The following LRRC8D variants were observed in gnomAD, a reference collection of about 807,000 sequenced individuals.
The protein encoded by LRRC8D is volume-regulated anion channel subunit LRRC8D.
A neutral mutation model predicts 55.8 loss-of-function variants in LRRC8D; 20 were observed. That is an observed-to-expected ratio of 0.36 (90% CI 0.25 to 0.52). The LOEUF (loss-of-function observed/expected upper bound fraction) is 0.52. LRRC8D is among the 20% of genes least tolerant of loss of function. The pLI, the probability that LRRC8D is intolerant of heterozygous loss-of-function variation, is 0.93. For missense variants in LRRC8D, 651 were observed against 1,030.8 expected (o/e 0.63, Z 5.05); for synonymous variants, 352 against 377.0 (o/e 0.93, Z 0.77).
At chr1:89,904,473 C>A (rs1364503250) in intron 2 of LRRC8D, among the ~76,000 whole-genome samples, 1 of 152,206 alleles carries the variant, frequency 6.6e-6, no homozygotes, top group Non-Finnish European at 1.5e-5. Flanking sequence ...TGAGTTCATT[C>A]ACTTTTCTTC....
chr1:89,855,782 T>G (rs886414422), intron 2 of LRRC8D, among the ~76,000 whole-genome samples: 3 of 152,208 alleles, frequency 2.0e-5, no homozygotes, highest in Non-Finnish European at 4.4e-5. Context: ...AGTTAAAACA[T>G]TGTTCATAAA....
At chr1:89,863,379 A>T (rs928203271) in intron 2 of LRRC8D, among the ~76,000 whole-genome samples, 11 of 152,154 alleles carry the variant, frequency 7.2e-5, no homozygotes, top group Non-Finnish European at 1.3e-4. Context: ...GCAGTACACA[A>T]GTGGGTAATG....
At position 89,884,153 on chromosome 1, in the gene LRRC8D, C is replaced by G. The variant is rs148694313; in HGVS notation, c.-3+40371C>G. 1.3e-3 allele frequency among the ~76,000 whole-genome samples: 205 copies of G among 152,268 alleles called. 1 individual carries two copies. Among genetic ancestry groups the G allele is most frequent in the African/African-American group, 4.7e-3 (195 of 41,552 alleles). The stretch of plus-strand genomic sequence containing the variant: ...GCATCTAGTCATGCTACAGCCTGCA[C>G]CTAAAATTGCAGATGGGCCTTTCTG... On this transcript the variant is annotated intron_variant, in intron 2 of 2. Transcript: ENST00000337338.
At chr1:89,899,300 G>A (rs1662790230) in intron 2 of LRRC8D, among the ~76,000 whole-genome samples, 1 of 152,214 alleles carries the variant, frequency 6.6e-6, no homozygotes, top group East Asian at 1.9e-4. Flanking sequence ...GAGGGTCAAA[G>A]TTACAAACCA....
chr1:89,881,322 G>A (rs1265200607), intron 2 of LRRC8D, among the ~76,000 whole-genome samples: 1 of 152,190 alleles, frequency 6.6e-6, no homozygotes, highest in East Asian at 1.9e-4. Context: ...TTCCAGCTGA[G>A]GGTGGGGAGG....
rs377147367 is a variant in LRRC8D at position 89,935,525 on chromosome 1, G to C, written c.2457G>C (p.Gln819His). The C allele has an allele frequency of 2.5e-6, 4 of 1,614,126 alleles. No individual in the cohort carries two copies. The African/African-American group carries it at 5.3e-5, about 22-fold the overall frequency. ...ACCGCCTGCCAGCCCAGCTGGGCCA[G>C]TGTCGGATGCTCAAGAAAAGCGGGC... is the stretch of plus-strand genomic sequence containing the variant. ...CLDRLPAQLG[Q>H]CRMLKKSGLV... Residue 819 changes from glutamine (Q) to histidine (H), a missense_variant, in exon 3 of 3, where the codon CAG becomes CAC. By Grantham distance (24) the Gln-to-His change is conservative. Transcript: ENST00000337338.
chr1:89,841,879 G>T (rs1292705321), intron 1 of LRRC8D, among the ~76,000 whole-genome samples: 1 of 152,154 alleles, frequency 6.6e-6, no homozygotes, highest in Non-Finnish European at 1.5e-5. Context: ...TGAAGGGATG[G>T]ATCACAGGAT....
At chr1:89,875,705 A>G (rs761255536) in intron 2 of LRRC8D, among the ~76,000 whole-genome samples, 8 of 152,060 alleles carry the variant, frequency 5.3e-5, no homozygotes, top group Admixed American at 2.6e-4. Context: ...AAATGTTTAA[A>G]TGAAATTTTT....
chr1:89,907,183 C>CTTTTT (rs71584958), intron 2 of LRRC8D, among the ~76,000 whole-genome samples: 4 of 69,774 alleles, frequency 5.7e-5, no homozygotes, highest in Non-Finnish European at 1.1e-4. Flanking sequence ...TCCACTGTGT[C>CTTTTT]TTTTTTTTTT....
intron 2 of LRRC8D, among the ~76,000 whole-genome samples, chr1:89,851,531 C>T (rs868207390): frequency 6.4e-4 from 95 of 148,828 alleles, no homozygotes; most frequent in Middle Eastern, 6.8e-3. Context: ...TTTTTTGAGA[C>T]GAGAGTCTTG....
chr1:89,855,038 A>AT (rs1394559749), intron 2 of LRRC8D, among the ~76,000 whole-genome samples: 7 of 152,032 alleles, frequency 4.6e-5, no homozygotes, highest in African/African-American at 1.7e-4. Flanking sequence ...TGCTCTTTGC[A>AT]TTCATCTCTA....
intron 2 of LRRC8D, among the ~76,000 whole-genome samples, chr1:89,880,073 T>A (rs936724255): frequency 2.6e-5 from 4 of 151,918 alleles, no homozygotes; most frequent in Non-Finnish European, 5.9e-5. Context: ...GAGACATTTA[T>A]CTATGTGCTT....
intron 2 of LRRC8D, among the ~76,000 whole-genome samples, chr1:89,912,520 C>T (rs1474738478): frequency 6.7e-6 from 1 of 149,884 alleles, no homozygotes; most frequent in Non-Finnish European, 1.5e-5. Flanking sequence ...TCCTTGTTTA[C>T]CTGCCTCTAT....
chr1:89,843,852 G>A, intron 2 of LRRC8D, 70 bp downstream of exon 2: 2 of 581,370 alleles, frequency 3.4e-6, no homozygotes. Context: ...TGCTAGTGTC[G>A]GATCTGCATC....
At chr1:89,877,435 GT>G (rs752528992) in intron 2 of LRRC8D, among the ~76,000 whole-genome samples, 2 of 152,144 alleles carry the variant, frequency 1.3e-5, no homozygotes, top group Non-Finnish European at 2.9e-5. Context: ...CTTGCACATA[GT>G]AAAAGCTTTG....
chr1:89,877,232 C>CT lies in LRRC8D; in HGVS notation c.-3+33463dup, dbSNP rs367807464. On this transcript the variant is annotated intron_variant, in intron 2 of 2. Coordinates refer to ENST00000337338, the MANE Select transcript of LRRC8D (RefSeq NM_001134479.2). ...CAAACAGTTCTTTCTCTCTCTCTCT[C>CT]TTTTTTTTTTTTTAAATTTGTGTTT... Among the ~76,000 whole-genome samples the CT allele has an allele frequency of 1.6e-3, 225 of 144,236 alleles. 1 individual carries two copies. Among genetic ancestry groups the CT allele is most frequent in the African/African-American group, 4.0e-3 (152 of 38,250 alleles). 94.6% of individuals were successfully genotyped at this position (144,236 alleles called of 152,430 possible). A position where few individuals can be genotyped will look rare whatever the true frequency, so the allele number is the denominator to read the frequency against.
At chr1:89,857,782 G>A (rs1349201316) in intron 2 of LRRC8D, among the ~76,000 whole-genome samples, 1 of 152,200 alleles carries the variant, frequency 6.6e-6, no homozygotes, top group Non-Finnish European at 1.5e-5. Context: ...AGTCTACCCT[G>A]TGGTTTGACA....
At position 89,935,584 on chromosome 1, in the gene LRRC8D, C is replaced by A; in HGVS notation, c.2516C>A (p.Pro839Gln). 6.2e-7 allele frequency: 1 copy of A among 1,614,146 alleles called. No individual in the cohort carries two copies. Among genetic ancestry groups the A allele is most frequent in the South Asian group, 1.1e-5 (1 of 91,086 alleles). Residue 839 changes from proline (P) to glutamine (Q), a missense_variant, in exon 3 of 3, where the codon CCA (proline) becomes CAA (glutamine). Transcript: ENST00000337338. ...GAAGATCACCTTTTTGATACCCTGC[C>A]ACTCGAAGTCAAAGAGGCATTGAAT... ...VVEDHLFDTLPLEVKEALNQD... is the reference protein window; with the variant it reads ...VVEDHLFDTLQLEVKEALNQD...
At chr1:89,823,586 G>A (rs1023899611) in intron 1 of LRRC8D, among the ~76,000 whole-genome samples, 1 of 152,126 alleles carries the variant, frequency 6.6e-6, no homozygotes, top group African/African-American at 2.4e-5. Context: ...TTGTTGAAGT[G>A]GTAGCTTGTA....
Sources: allele counts gnomAD v4.1 joint callset (sites outside exome capture counted in the v4.1 genomes callset), GRCh38; gene constraint gnomAD v4.1.1; transcripts MANE v1.5; gene names NCBI Gene and HGNC (gene_info 2026-07-23, HGNC 2026-07-21).